NPAS4: variants seen among roughly 807,000 people sequenced by gnomAD.
The protein encoded by NPAS4 is neuronal PAS domain protein 4, also known as neuronal PAS domain-containing protein 4.
In NPAS4, 10 loss-of-function variants were observed where a neutral mutation model predicts 64.0. That is an observed-to-expected ratio of 0.16 (90% CI 0.10 to 0.26). The LOEUF is 0.26. Among genes scored for constraint, NPAS4 ranks in the 10% least tolerant of loss-of-function variants. NPAS4 has a pLI of 1.00. For synonymous variants in NPAS4, 441 were observed against 411.7 expected, an observed-to-expected ratio of 1.07 and a Z score of -0.86; for missense variants, 886 against 992.6, an observed-to-expected ratio of 0.89 and a Z score of 1.44.
chr11:66,418,441 A>G (rs546222525), upstream of NPAS4, among the ~76,000 whole-genome samples: 1 of 152,062 alleles, frequency 6.6e-6, no homozygotes. Context: ...CTGCCAAGCT[A>G]TTTTTGGTTC....
At chr11:66,414,394 C>T in the NPAS4 span, among the ~76,000 whole-genome samples, 2 of 152,204 alleles carry the variant, frequency 1.3e-5, no homozygotes, top group African/African-American at 4.8e-5. Flanking sequence ...ATCCTCTTCT[C>T]TCAGCCCTGC....
Position 66,424,389 on chromosome 11 carries a change from A to G in NPAS4, c.1499A>G (p.Gln500Arg). 6.2e-7 allele frequency: 1 copy of G among 1,614,120 alleles called. No individual in the cohort carries two copies. The highest frequency in any genetic ancestry group is 2.2e-5 in the East Asian group (1 of 44,884). The change falls in exon 7 of 8, where the codon CAG becomes CGG. Residue 500 changes from glutamine (Q) to arginine (R), a missense_variant. Physicochemically the swap from Gln to Arg is conservative, Grantham distance 43. Around this residue, in one of 3 missense-constraint regions of NPAS4, gnomAD observed 820 missense variants for 855.5 expected, o/e 0.96. Transcript: ENST00000311034. ...TETSVRSYED[Q>R]LTPCTSTFPD... The stretch of plus-strand genomic sequence containing the variant: ...ACCTCGGTCAGAAGCTATGAAGACC[A>G]GTTGACTCCCTGCACCTCCACCTTC...
the NPAS4 span, among the ~76,000 whole-genome samples, chr11:66,412,019 A>T: frequency 6.6e-6 from 1 of 152,268 alleles, no homozygotes; most frequent in Non-Finnish European, 1.5e-5. Flanking sequence ...GTAAACTCCT[A>T]TGTTACGAGC....
upstream of NPAS4, among the ~76,000 whole-genome samples, chr11:66,416,332 G>T (rs994993371): frequency 3.3e-5 from 5 of 152,140 alleles, no homozygotes; most frequent in East Asian, 3.8e-4. Flanking sequence ...CCAAGCTCGA[G>T]CCCCAAGTGA....
chr11:66,409,704 C>G, the NPAS4 span: 4 of 152,310 alleles, frequency 2.6e-5, no homozygotes, highest in African/African-American at 4.8e-5. Flanking sequence ...AGAGCATGGG[C>G]CAGAACCCAC....
chr11:66,420,836 C>T (rs1057075210), upstream of NPAS4, among the ~76,000 whole-genome samples: 11 of 152,202 alleles, frequency 7.2e-5, no homozygotes, highest in Non-Finnish European at 1.2e-4. Flanking sequence ...GCTCCCCCCT[C>T]GCCCGCCTCC....
the NPAS4 span, among the ~76,000 whole-genome samples, chr11:66,411,856 C>G: frequency 6.6e-6 from 1 of 152,190 alleles, no homozygotes; most frequent in Non-Finnish European, 1.5e-5. Context: ...ATCAGTCTTT[C>G]CTGGGACCCC....
chr11:66,426,115 G>A lies in NPAS4; in HGVS notation c.*126G>A. The A allele has an allele frequency of 2.1e-5, 11 of 515,952 alleles. No individual in the cohort carries two copies. The highest frequency in any genetic ancestry group is 1.3e-4 in the South Asian group (7 of 53,538). 32.0% of individuals were successfully genotyped at this position (515,952 alleles called of 1,614,324 possible). A position where few individuals can be genotyped will look rare whatever the true frequency, so the allele number is the denominator to read the frequency against. On this transcript the variant is annotated 3_prime_UTR_variant, in exon 8 of 8. Coordinates refer to ENST00000311034, the MANE Select transcript of NPAS4 (RefSeq NM_178864.4). ...GAGGGGGATATATATGATTCCCCAG[G>A]CCCTGCAGGATTTTGGGGGGGGGGA...
At position 66,424,712 on chromosome 11, in the gene NPAS4, G is replaced by A. The variant is rs1590696477; in HGVS notation, c.1822G>A (p.Gly608Ser). 2 of 1,613,396 alleles carry A rather than the reference G, an allele frequency of 1.2e-6. No individual in the cohort carries two copies. The highest frequency in any genetic ancestry group is 1.7e-6 in the Non-Finnish European group (2 of 1,179,590). ...TGTGGATGTCCCCCTGGTGCCCGAA[G>A]GCCTGCTCACACCTGAGGCCTCTCC... ...LSVDVPLVPE[G>S]LLTPEASPVK... The change falls in exon 7 of 8, where the codon GGC (glycine) becomes AGC (serine). Residue 608 changes from glycine (G) to serine (S), a missense_variant. Physicochemically the swap from Gly to Ser is moderately conservative, Grantham distance 56. Around this residue, in one of 3 missense-constraint regions of NPAS4, gnomAD observed 820 missense variants for 855.5 expected, o/e 0.96. Coordinates refer to ENST00000311034, the MANE Select transcript of NPAS4 (RefSeq NM_178864.4).
chr11:66,415,123 T>C, the NPAS4 span, among the ~76,000 whole-genome samples: 1 of 151,916 alleles, frequency 6.6e-6, no homozygotes, highest in Non-Finnish European at 1.5e-5. Flanking sequence ...AAGACTAGGG[T>C]CGGAATAGGG....
the NPAS4 span, among the ~76,000 whole-genome samples, chr11:66,411,740 G>A: frequency 0.92 from 140,440 of 152,196 alleles, 65,870 homozygotes; most frequent in East Asian, 1. Flanking sequence ...TGGTTCCCGC[G>A]TTCCCCAGCA....
At chr11:66,418,924 T>C (rs1856698620), upstream of NPAS4, among the ~76,000 whole-genome samples, 1 of 152,148 alleles carries the variant, frequency 6.6e-6, no homozygotes. Flanking sequence ...TTCGCTCAGA[T>C]TGCTGGAGGC....
At chr11:66,410,323 C>G in the NPAS4 span, 1 of 152,312 alleles carries the variant, frequency 6.6e-6, no homozygotes, top group African/African-American at 2.4e-5. Flanking sequence ...CCGAGGGTGG[C>G]AAGGAGAGAA....
chr11:66,420,963 G>GC (rs968980100), upstream of NPAS4: 62 of 515,282 alleles, frequency 1.2e-4, no homozygotes, highest in East Asian at 2.5e-4. Flanking sequence ...CCGCTCTCCC[G>GC]CCCCCCCGGC....
Position 66,426,063 on chromosome 11 carries a change from G to T in NPAS4, c.*74G>T, listed in dbSNP as rs1463764195. ...CGTGGAGCCGCTCTCCACCCCCCCG[G>T]GACTGTTGGGGGGATTCTGAGGGCC... On this transcript the variant is annotated 3_prime_UTR_variant, in exon 8 of 8. Transcript: ENST00000311034. 1 of 1,115,376 alleles carries T rather than the reference G, an allele frequency of 9.0e-7. No homozygotes were observed. 69.1% of individuals were successfully genotyped at this position (1,115,376 alleles called of 1,614,324 possible). A position where few individuals can be genotyped will look rare whatever the true frequency, so the allele number is the denominator to read the frequency against.
In NPAS4 at chr11:66,422,109, T is replaced by C. The variant is rs773506883; in HGVS notation, c.176-11T>C. On this transcript the variant is annotated splice_polypyrimidine_tract_variant and intron_variant, in intron 1 of 7. Coordinates refer to ENST00000311034, the MANE Select transcript of NPAS4 (RefSeq NM_178864.4). ...CTTACTCCTGACGCACTACGTCTTCTCGCCCTACAGGCACTCCTCTGGCGG... is the reference window on the plus strand; with the variant it reads ...CTTACTCCTGACGCACTACGTCTTCCCGCCCTACAGGCACTCCTCTGGCGG... 5 of 1,612,844 alleles carry C rather than the reference T, an allele frequency of 3.1e-6. No individual in the cohort carries two copies. The highest frequency in any genetic ancestry group is 4.2e-6 in the Non-Finnish European group (5 of 1,179,650).
rs1045426465 is a variant in NPAS4 at position 66,421,176 on chromosome 11, G to C, written c.-4G>C. The C allele has an allele frequency of 6.3e-7, 1 of 1,598,178 alleles. No individual in the cohort carries two copies. On this transcript the variant is annotated 5_prime_UTR_variant, in exon 1 of 8. Coordinates refer to ENST00000311034, the MANE Select transcript of NPAS4 (RefSeq NM_178864.4). Reference sequence around the variant, plus strand: ...CCCGAGCTGGAGCTCCGCAGCCGCCGGTCATGTACCGCTCCACCAAGGGCG... The same window carrying C: ...CCCGAGCTGGAGCTCCGCAGCCGCCCGTCATGTACCGCTCCACCAAGGGCG...
At chr11:66,416,132 C>T (rs185859573), upstream of NPAS4, among the ~76,000 whole-genome samples, 4 of 152,104 alleles carry the variant, frequency 2.6e-5, no homozygotes, top group African/African-American at 7.2e-5. Flanking sequence ...CCAGATTTGT[C>T]GTGAGAATGT....
In NPAS4 at chr11:66,423,819, C is replaced by A. The variant is rs1856793568; in HGVS notation, c.945-16C>A. ...GACGTCGGACCCTTACCAGCTGCCTCTTCTCTCCTCTCCAGTGACATGGAA... is the reference window on the plus strand; with the variant it reads ...GACGTCGGACCCTTACCAGCTGCCTATTCTCTCCTCTCCAGTGACATGGAA... On this transcript the variant is annotated splice_polypyrimidine_tract_variant and intron_variant, in intron 6 of 7. Coordinates refer to ENST00000311034, the MANE Select transcript of NPAS4 (RefSeq NM_178864.4). 4 of 1,603,218 alleles carry A rather than the reference C, an allele frequency of 2.5e-6. No homozygotes were observed. Among genetic ancestry groups the A allele is most frequent in the Non-Finnish European group, 3.4e-6 (4 of 1,173,686 alleles).
Sources: gnomAD v4.1 joint callset for allele counts (sites outside exome capture counted in the v4.1 genomes callset) on GRCh38, gnomAD v4.1.1 for gene constraint, gnomAD v4.1.1 regional missense constraint, MANE v1.5 for transcripts, NCBI Gene and HGNC (gene_info 2026-07-23, HGNC 2026-07-21) for gene names.